LINGO2: variants seen among roughly 807,000 people sequenced by gnomAD.
The protein encoded by LINGO2 is leucine rich repeat and Ig domain containing 2, also known as leucine-rich repeat and immunoglobulin-like domain-containing nogo receptor-interacting protein 2.
Under a neutral mutation model 30.6 loss-of-function variants are expected in LINGO2, and 14 were observed. The observed-to-expected ratio is 0.46, with a 90% CI of 0.30 to 0.72. The LOEUF is 0.72. Among genes scored for constraint, LINGO2 ranks in the 30% least tolerant of loss-of-function variants. LINGO2 has a pLI of 0.07. For synonymous variants in LINGO2, 317 were observed against 288.5 expected (o/e 1.10, Z -1.00); for missense variants, 729 against 751.7 (o/e 0.97, Z 0.35).
intron 4 of LINGO2, among the ~76,000 whole-genome samples, chr9:28,275,961 C>A (rs1284946672): frequency 1.3e-5 from 2 of 152,024 alleles, no homozygotes; most frequent in African/African-American, 4.8e-5. Context: ...CTGGCTCAAC[C>A]CTTAATATGT....
At chr9:27,941,111 T>A in the LINGO2 span, 2 of 152,086 alleles carry the variant, frequency 1.3e-5, no homozygotes, top group Non-Finnish European at 1.5e-5. Flanking sequence ...CAAGAAATTC[T>A]CTCTCTAGGG....
chr9:28,296,204 AC>A, intron 3 of LINGO2, among the ~76,000 whole-genome samples: 1 of 152,298 alleles, frequency 6.6e-6, no homozygotes, highest in African/African-American at 2.4e-5. Context: ...ATAATCAGTA[AC>A]CTTTATTGGA....
At chr9:28,956,521 C>CGGAATATGT in the LINGO2 span, among the ~76,000 whole-genome samples, 2 of 152,026 alleles carry the variant, frequency 1.3e-5, no homozygotes, top group African/African-American at 4.8e-5. Context: ...TGCTTGTGCA[C>CGGAATATGT]TAGAAGATGC....
intron 1 of LINGO2, among the ~76,000 whole-genome samples, chr9:28,592,570 C>G (rs1214591234): frequency 6.6e-6 from 1 of 152,088 alleles, no homozygotes. Context: ...AATGGTGCCT[C>G]TCTCAGCAAG....
the LINGO2 span, among the ~76,000 whole-genome samples, chr9:28,806,284 C>G: frequency 6.6e-6 from 1 of 152,138 alleles, no homozygotes; most frequent in African/African-American, 2.4e-5. Context: ...TAAAAATAAA[C>G]CACAAAGATA....
the LINGO2 span, among the ~76,000 whole-genome samples, chr9:28,702,968 G>A: frequency 1.3e-5 from 2 of 151,752 alleles, no homozygotes; most frequent in African/African-American, 4.8e-5. Context: ...TAAGGTATCT[G>A]TAGTGAGGTT....
chr9:28,803,389 T>C, the LINGO2 span, among the ~76,000 whole-genome samples: 1 of 152,102 alleles, frequency 6.6e-6, no homozygotes, highest in East Asian at 1.9e-4. Context: ...TTATTTATTC[T>C]GGATCACAGC....
At position 28,058,252 on chromosome 9, in the gene LINGO2, G is replaced by A. The variant is rs539801960; in HGVS notation, c.-86-45847C>T. Among the ~76,000 whole-genome samples, 3 of 152,204 alleles carry A rather than the reference G, an allele frequency of 2.0e-5. No individual in the cohort carries two copies. In the East Asian group the frequency reaches 5.8e-4, roughly 29 times the overall value. ...ATGGGGTGCTGCCACCAGTGGTGGA[G>A]TACAATACAATAACTGGTATGCCAA... On this transcript the variant is annotated intron_variant, in intron 4 of 5. Coordinates refer to ENST00000379992, the Ensembl canonical transcript of LINGO2.
chr9:28,660,824 G>T (rs1828555599), intron 1 of LINGO2, among the ~76,000 whole-genome samples: 2 of 152,042 alleles, frequency 1.3e-5, no homozygotes, highest in African/African-American at 4.8e-5. Context: ...AAAAATAAAA[G>T]ATTTTAGATG....
the LINGO2 span, among the ~76,000 whole-genome samples, chr9:29,211,384 T>C: frequency 6.6e-6 from 1 of 152,146 alleles, no homozygotes; most frequent in East Asian, 1.9e-4. Context: ...ATCTGTTAGG[T>C]GGCTTCAGCA....
At chr9:28,432,245 A>G (rs1484947772) in intron 2 of LINGO2, among the ~76,000 whole-genome samples, 1 of 152,030 alleles carries the variant, frequency 6.6e-6, no homozygotes, top group Non-Finnish European at 1.5e-5. Context: ...ATTGGGGGAG[A>G]TAGTTTAGTT....
chr9:28,769,311 T>G, the LINGO2 span, among the ~76,000 whole-genome samples: 2 of 150,768 alleles, frequency 1.3e-5, no homozygotes, highest in African/African-American at 4.9e-5. Context: ...AAAAACATAT[T>G]TAATAGGAAA....
chr9:28,291,173 T>G (rs1823713961), intron 4 of LINGO2, among the ~76,000 whole-genome samples: 1 of 152,214 alleles, frequency 6.6e-6, no homozygotes, highest in Non-Finnish European at 1.5e-5. Flanking sequence ...CTAATCTATT[T>G]GCACTTGAAT....
At chr9:28,073,683 T>A (rs900630332) in intron 4 of LINGO2, among the ~76,000 whole-genome samples, 1 of 152,220 alleles carries the variant, frequency 6.6e-6, no homozygotes, top group African/African-American at 2.4e-5. Context: ...TACTTAGATT[T>A]CTTTATCTCT....
At chr9:28,640,784 G>T (rs979515352) in intron 1 of LINGO2, among the ~76,000 whole-genome samples, 1 of 152,024 alleles carries the variant, frequency 6.6e-6, no homozygotes, top group African/African-American at 2.4e-5. Flanking sequence ...TCCTCCTTTA[G>T]CTTGGAGTAG....
intron 3 of LINGO2, among the ~76,000 whole-genome samples, chr9:28,367,540 A>C (rs570534393): frequency 2.0e-5 from 3 of 151,630 alleles, no homozygotes; most frequent in Non-Finnish European, 4.4e-5. Flanking sequence ...TTCTTGGTGG[A>C]GCATGTGGAA....
At chr9:28,988,333 T>C in the LINGO2 span, among the ~76,000 whole-genome samples, 1 of 152,188 alleles carries the variant, frequency 6.6e-6, no homozygotes, top group Non-Finnish European at 1.5e-5. Context: ...ATTTTGTCTG[T>C]GATAAGAATA....
At chr9:28,412,326 T>C (rs1020295843) in intron 2 of LINGO2, among the ~76,000 whole-genome samples, 11 of 152,126 alleles carry the variant, frequency 7.2e-5, no homozygotes, top group African/African-American at 2.7e-4. Flanking sequence ...TAATGATTAA[T>C]TGGCCATCTG....
chr9:27,961,971 G>C (rs1415153269), intron 5 of LINGO2, among the ~76,000 whole-genome samples: 77 of 152,220 alleles, frequency 5.1e-4, no homozygotes, highest in Non-Finnish European at 4.4e-5. Flanking sequence ...GGAATTCCTG[G>C]TTTCCTCAAA....
Sources: gnomAD v4.1 joint callset for allele counts (sites outside exome capture counted in the v4.1 genomes callset) on GRCh38, gnomAD v4.1.1 for gene constraint, MANE v1.5 for transcripts, NCBI Gene and HGNC (gene_info 2026-07-23, HGNC 2026-07-21) for gene names.